MGAT4C: variants seen among roughly 807,000 people sequenced by gnomAD.
The protein encoded by MGAT4C is MGAT4 family member C.
MGAT4C carries 19 observed loss-of-function variants against 40.1 expected under a neutral mutation model. The ratio of observed to expected loss-of-function variants is 0.47; its 90% CI spans 0.33 to 0.70. MGAT4C has a LOEUF of 0.70. MGAT4C is among the 30% of genes least tolerant of loss of function. MGAT4C has a pLI of 0.02. For synonymous variants in MGAT4C, 181 were observed against 187.1 expected (o/e 0.97, Z 0.27); for missense variants, 491 against 563.2 (o/e 0.87, Z 1.30).
At chr12:86,690,214 C>T (rs371810162) in intron 2 of MGAT4C, among the ~76,000 whole-genome samples, 6 of 152,144 alleles carry the variant, frequency 3.9e-5, no homozygotes, top group South Asian at 2.1e-4. Flanking sequence ...GTGCTGGCAG[C>T]GGGAATTTCA....
At chr12:86,690,215 G>A (rs537327540) in intron 2 of MGAT4C, among the ~76,000 whole-genome samples, 8 of 152,264 alleles carry the variant, frequency 5.3e-5, no homozygotes, top group South Asian at 2.1e-4. Flanking sequence ...TGCTGGCAGC[G>A]GGAATTTCAA....
At chr12:86,365,243 G>A (rs1288923061) in intron 3 of MGAT4C, among the ~76,000 whole-genome samples, 2 of 152,154 alleles carry the variant, frequency 1.3e-5, no homozygotes, top group East Asian at 1.9e-4. Context: ...TGTTCCGCCC[G>A]GCTCACCGGC....
chr12:86,360,168 A>C (rs1592740673), intron 3 of MGAT4C, among the ~76,000 whole-genome samples: 1 of 152,216 alleles, frequency 6.6e-6, no homozygotes, highest in African/African-American at 2.4e-5. Context: ...CTGGGATGCA[A>C]GGCTGGTTCA....
intron 2 of MGAT4C, among the ~76,000 whole-genome samples, chr12:86,635,279 G>A (rs1428457653): frequency 1.3e-5 from 2 of 152,102 alleles, no homozygotes; most frequent in East Asian, 1.9e-4. Flanking sequence ...TGAAGAACCA[G>A]TCAGATTCTT....
chr12:86,546,271 G>A (rs1219092548), intron 2 of MGAT4C, among the ~76,000 whole-genome samples: 1 of 151,512 alleles, frequency 6.6e-6, no homozygotes. Flanking sequence ...ACTTTTTCTA[G>A]GATTATAAAG....
intron 1 of MGAT4C, among the ~76,000 whole-genome samples, chr12:86,185,824 C>G (rs1230526586): frequency 6.6e-6 from 1 of 152,044 alleles, no homozygotes; most frequent in Middle Eastern, 3.4e-3. Context: ...AAATGCAGAA[C>G]CAAATCAGCA....
chr12:86,020,939 A>T (rs947505842), intron 2 of MGAT4C, among the ~76,000 whole-genome samples: 1 of 152,230 alleles, frequency 6.6e-6, no homozygotes, highest in African/African-American at 2.4e-5. Context: ...ATATGAACAG[A>T]CACTTCTCAA....
chr12:86,062,070 T>C (rs1294535789), intron 1 of MGAT4C, among the ~76,000 whole-genome samples: 1 of 152,062 alleles, frequency 6.6e-6, no homozygotes, highest in Non-Finnish European at 1.5e-5. Context: ...CCCCCACGTA[T>C]CCTGACTGGG....
At chr12:86,235,809 C>T (rs1222745896) in intron 1 of MGAT4C, among the ~76,000 whole-genome samples, 1 of 151,966 alleles carries the variant, frequency 6.6e-6, no homozygotes, top group African/African-American at 2.4e-5. Context: ...TTCTGGAAGG[C>T]CAGTACTGAG....
At position 86,493,939 on chromosome 12, in the gene MGAT4C, C is replaced by A. The variant is rs112651894; in HGVS notation, c.-228-58674G>T. Among the ~76,000 whole-genome samples the A allele has an allele frequency of 3.3e-3, 498 of 151,912 alleles. 2 individuals are homozygous for A. Among genetic ancestry groups the A allele is most frequent in the African/African-American group, 0.012 (481 of 41,454 alleles). On this transcript the variant is annotated intron_variant, in intron 2 of 7. Transcript: ENST00000548651. ...TCTTGCAACATCTCTGAAAATGTTG[C>A]GATTTTTTTCTCTCTCTTTTTTTAA...
chr12:86,586,057 C>T (rs1307037020), intron 2 of MGAT4C, among the ~76,000 whole-genome samples: 8 of 147,916 alleles, frequency 5.4e-5, no homozygotes, highest in African/African-American at 2.0e-4. Flanking sequence ...CCATTAACTC[C>T]TCATTTAGCA....
chr12:86,408,152 T>C (rs867951223), intron 3 of MGAT4C, among the ~76,000 whole-genome samples: 2 of 151,852 alleles, frequency 1.3e-5, no homozygotes, highest in African/African-American at 2.4e-5. Flanking sequence ...TTTTAAAAAA[T>C]AGTGTCTTCA....
In MGAT4C at chr12:86,180,618, A is replaced by C. The variant is rs149245722; in HGVS notation, c.-57+75621T>G. On this transcript the variant is annotated intron_variant, in intron 1 of 4. Coordinates refer to ENST00000611864, the MANE Select transcript of MGAT4C (RefSeq NM_001351288.2). Reference sequence around the variant, plus strand: ...TGGATGTGAGACCTGGAGTCAAAGGAGATCATTTTGGAGCTCTAAGATTTG... The same window carrying C: ...TGGATGTGAGACCTGGAGTCAAAGGCGATCATTTTGGAGCTCTAAGATTTG... Among the ~76,000 whole-genome samples the C allele has an allele frequency of 1.8e-3, 281 of 152,256 alleles. 1 individual carries two copies. Among genetic ancestry groups the C allele is most frequent in the African/African-American group, 6.5e-3 (271 of 41,550 alleles).
At chr12:86,122,218 TA>T (rs1879478741) in intron 1 of MGAT4C, among the ~76,000 whole-genome samples, 2 of 152,160 alleles carry the variant, frequency 1.3e-5, no homozygotes, top group Admixed American at 1.3e-4. Context: ...CACAAATAAT[TA>T]AAAGTACTCA....
At chr12:86,623,803 T>C (rs1962714652) in intron 2 of MGAT4C, among the ~76,000 whole-genome samples, 1 of 152,212 alleles carries the variant, frequency 6.6e-6, no homozygotes, top group Non-Finnish European at 1.5e-5. Flanking sequence ...TAGATTAATA[T>C]ATTTAGGAAG....
chr12:86,586,235 A>T (rs1022990255), intron 2 of MGAT4C, among the ~76,000 whole-genome samples: 1 of 135,768 alleles, frequency 7.4e-6, no homozygotes, highest in Non-Finnish European at 1.6e-5. Flanking sequence ...TTTACTGAGA[A>T]CAATGATTTC....
In MGAT4C at chr12:86,649,517, G is replaced by A. The variant is rs182169162; in HGVS notation, c.-229+77692C>T. On this transcript the variant is annotated intron_variant, in intron 2 of 7. Transcript: ENST00000548651. ...GGATTATGCAGAGACACAGATATAC[G>A]TTCTTTATGCAGATATAAAAGCCAA... 1.4e-4 allele frequency among the ~76,000 whole-genome samples: 22 copies of A among 151,790 alleles called. 1 individual carries two copies. The highest frequency in any genetic ancestry group is 1.3e-3 in the Admixed American group (19 of 15,186).
chr12:86,438,961 C>T (rs1260381061), intron 2 of MGAT4C, among the ~76,000 whole-genome samples: 1 of 151,788 alleles, frequency 6.6e-6, no homozygotes, highest in African/African-American at 2.4e-5. Flanking sequence ...TGCACTGTAG[C>T]TCCCAGATTC....
intron 2 of MGAT4C, among the ~76,000 whole-genome samples, chr12:86,555,172 G>T (rs1392488417): frequency 6.6e-6 from 1 of 151,352 alleles, no homozygotes; most frequent in South Asian, 2.1e-4. Flanking sequence ...TATGATCTCT[G>T]CAAAGTACCT....
Sources: allele counts gnomAD v4.1 joint callset (sites outside exome capture counted in the v4.1 genomes callset), GRCh38; gene constraint gnomAD v4.1.1; transcripts MANE v1.5; gene names NCBI Gene and HGNC (gene_info 2026-07-23, HGNC 2026-07-21).